The following USP42 variants were observed in gnomAD, a reference collection of about 807,000 sequenced individuals.
USP42 encodes the protein ubiquitin carboxyl-terminal hydrolase 42.
Under a neutral mutation model 113.0 loss-of-function variants are expected in USP42, and 23 were observed. The observed-to-expected ratio is 0.20, with a 90% CI of 0.15 to 0.29. The LOEUF (loss-of-function observed/expected upper bound fraction) is 0.29, where lower values mean the gene tolerates loss of function less well. USP42 is among the 10% of genes least tolerant of loss of function. The pLI, the probability that USP42 is intolerant of heterozygous loss-of-function variation, is 1.00. For synonymous variants in USP42, 933 were observed against 699.0 expected, an observed-to-expected ratio of 1.33 and a Z score of -5.28; for missense variants, 2,174 against 1,779.8, an observed-to-expected ratio of 1.22 and a Z score of -3.99.
At position 6,149,576 on chromosome 7, in the gene USP42, C is replaced by T; in HGVS notation, c.1387-7C>T. Reference sequence around the variant, plus strand: ...GCTCTGACCAGGTGCGCTCTGCTTACTTCCAGAATCCACCTCACTTAAATG... The same window carrying T: ...GCTCTGACCAGGTGCGCTCTGCTTATTTCCAGAATCCACCTCACTTAAATG... On this transcript the variant is annotated splice_polypyrimidine_tract_variant and splice_region_variant and intron_variant, in intron 12 of 17. Transcript: ENST00000306177. The T allele has an allele frequency of 6.2e-7, 1 of 1,608,890 alleles. No homozygotes were observed. Among genetic ancestry groups the T allele is most frequent in the African/African-American group, 1.3e-5 (1 of 74,880 alleles).
Position 6,139,252 on chromosome 7 carries a change from T to C in USP42, c.656+58T>C, listed in dbSNP as rs1037558260. Reference sequence around the variant, plus strand: ...TTGGGGATCTCTGGTTGTAGTTTATTCTTATCAGAATTCATTTTCACCTTT... The same window carrying C: ...TTGGGGATCTCTGGTTGTAGTTTATCCTTATCAGAATTCATTTTCACCTTT... On this transcript the variant is annotated intron_variant, in intron 5 of 17. Transcript: ENST00000306177. The surrounding 1 kb of genome is among the most constrained non-coding windows in gnomAD (Gnocchi z 4.5). The C allele has an allele frequency of 2.3e-6, 3 of 1,331,080 alleles. No individual in the cohort carries two copies. Among genetic ancestry groups the C allele is most frequent in the Non-Finnish European group, 3.1e-6 (3 of 972,486 alleles). 82.5% of individuals were successfully genotyped at this position (1,331,080 alleles called of 1,614,324 possible). A position where few individuals can be genotyped will look rare whatever the true frequency, so the allele number is the denominator to read the frequency against.
rs961083620 is a variant in USP42, at chr7:6,154,453, A to C, written c.2899A>C (p.Arg967=). 8.9e-6 allele frequency: 14 copies of C among 1,564,810 alleles called. No homozygotes were observed. In the African/African-American group the frequency reaches 1.5e-4, roughly 17 times the overall value. Residue 967 remains arginine (R), a synonymous_variant, in exon 15 of 18, where the codon AGA becomes CGA. Transcript: ENST00000306177. Reference sequence around the variant, plus strand: ...GCGCTCGTCCAGCGGGGAGCCCGCCAGAGAGAGCAGGAGCAAGACTGAGGG... The same window carrying C: ...GCGCTCGTCCAGCGGGGAGCCCGCCCGAGAGAGCAGGAGCAAGACTGAGGG... The part of the protein sequence containing the change: ...RERSSSGEPA[R]ESRSKTEGHR...
At chr7:6,145,478 C>G in intron 9 of USP42, 38 bp from the exon 10 acceptor site, 1 of 1,612,816 alleles carries the variant, frequency 6.2e-7, no homozygotes, top group East Asian at 2.2e-5. Context: ...ATGATCTGTG[C>G]CCTCGGAAAT....
rs374359350 is a variant in USP42, at chr7:6,145,079, A to G, written c.991-437A>G. Among the ~76,000 whole-genome samples, 594 of 152,292 alleles carry G rather than the reference A, an allele frequency of 3.9e-3. 2 individuals carry two copies. The highest frequency in any genetic ancestry group is 0.014 in the African/African-American group (570 of 41,556). On this transcript the variant is annotated intron_variant, in intron 9 of 17. Transcript: ENST00000306177. ...CCAGGTGCAGTGGCTCATGCCTATA[A>G]TTCTAGCACTTTGGGAGGCCAAGCT...
chr7:6,144,338 T>G (rs1471874588), intron 9 of USP42, 142 bp downstream of exon 9: 17 of 606,050 alleles, frequency 2.8e-5, no homozygotes, highest in Non-Finnish European at 4.2e-5. Flanking sequence ...ATTGTCTGTT[T>G]TGTTGGTACC....
rs556718 is a variant in USP42, at chr7:6,148,152, C to A, written c.1386+260C>A. On this transcript the variant is annotated intron_variant, in intron 12 of 17. Coordinates refer to ENST00000306177, the MANE Select transcript of USP42 (RefSeq NM_032172.3). ...CAGTTGTTTGAGACCACCCTGGGTACCAGGGTGAAACCCCGTCTCCACAAA... is the reference window on the plus strand; with the variant it reads ...CAGTTGTTTGAGACCACCCTGGGTAACAGGGTGAAACCCCGTCTCCACAAA... Among the ~76,000 whole-genome samples, 142,752 of 152,204 alleles carry A rather than the reference C, an allele frequency of 0.94. 67,060 individuals carry two copies. Among genetic ancestry groups the A allele is most frequent in the East Asian group, 1 (5,159 of 5,164 alleles).
chr7:6,154,117 T>C lies in USP42; in HGVS notation c.2563T>C (p.Leu855=), dbSNP rs1583687061. The change falls in exon 15 of 18, where the codon TTG becomes CTG. Residue 855 remains leucine (L), a synonymous_variant. Coordinates refer to ENST00000306177, the MANE Select transcript of USP42 (RefSeq NM_032172.3). The stretch of plus-strand genomic sequence containing the variant: ...GGCGTTGGCGGAAGCCCCGGAAGGG[T>C]TGAGTCCGGCTCCGCCTGCGCGGTC... The part of the protein sequence containing the change: ...DSALAEAPEG[L]SPAPPARSEE... 6.2e-7 allele frequency: 1 copy of C among 1,602,828 alleles called. No homozygotes were observed. The highest frequency in any genetic ancestry group is 8.5e-7 in the Non-Finnish European group (1 of 1,177,306).
chr7:6,092,319 T>C, the USP42 span, among the ~76,000 whole-genome samples: 1 of 149,290 alleles, frequency 6.7e-6, no homozygotes, highest in African/African-American at 2.5e-5. Context: ...GCTGGGATTA[T>C]AGGCACCTCC....
intron 9 of USP42, 84 bp from the exon 10 acceptor site, chr7:6,145,432 A>T: frequency 6.5e-7 from 1 of 1,545,386 alleles, no homozygotes; most frequent in Non-Finnish European, 8.9e-7. Flanking sequence ...CTCCCCTCCT[A>T]GGAAGCTCTA....
At chr7:6,102,910 G>C (rs1790171350), upstream of USP42, among the ~76,000 whole-genome samples, 2 of 151,092 alleles carry the variant, frequency 1.3e-5, 1 homozygote, top group African/African-American at 4.9e-5. Context: ...CAACAGAGAA[G>C]AGACTGTTGA....
At chr7:6,083,549 C>G in the USP42 span, among the ~76,000 whole-genome samples, 1 of 150,498 alleles carries the variant, frequency 6.6e-6, no homozygotes, top group Non-Finnish European at 1.5e-5. Flanking sequence ...AGCCACCACA[C>G]CTAGCCTTAA....
the USP42 span, among the ~76,000 whole-genome samples, chr7:6,099,207 C>T: frequency 8.4e-6 from 1 of 118,878 alleles, no homozygotes; most frequent in African/African-American, 4.0e-5. Flanking sequence ...CCATTGTTCC[C>T]TCTCTTTTTT....
intron 1 of USP42, among the ~76,000 whole-genome samples, chr7:6,106,762 C>G (rs939965858): frequency 6.6e-6 from 1 of 151,754 alleles, no homozygotes; most frequent in African/African-American, 2.4e-5. Flanking sequence ...GAGACAGGGT[C>G]TCACTGTTGC....
the USP42 span, among the ~76,000 whole-genome samples, chr7:6,091,371 C>T: frequency 6.6e-6 from 1 of 150,522 alleles, no homozygotes; most frequent in Non-Finnish European, 1.5e-5. Flanking sequence ...AGACTGCAGG[C>T]ATGCATCATC....
intron 3 of USP42, among the ~76,000 whole-genome samples, chr7:6,125,779 CAG>C (rs995836068): frequency 3.3e-5 from 5 of 150,338 alleles, no homozygotes; most frequent in South Asian, 2.1e-4. Context: ...TTTTGATGCT[CAG>C]GGGTTGTTTA....
At position 6,139,132 on chromosome 7, in the gene USP42, C is replaced by T; in HGVS notation, c.594C>T (p.Ala198=). The change falls in exon 5 of 18, where the codon GCC becomes GCT. Residue 198 remains alanine (A), a synonymous_variant. Transcript: ENST00000306177. This position sits in a 1 kb window ranked among gnomAD's most constrained non-coding sequence, Gnocchi z 4.5. ...RHFRFGNQED[A]HEFLQYTVDA... Reference sequence around the variant, plus strand: ...TCCGTTTTGGAAACCAAGAAGATGCCCATGAATTCCTTCAATACACTGTTG... The same window carrying T: ...TCCGTTTTGGAAACCAAGAAGATGCTCATGAATTCCTTCAATACACTGTTG... 1.2e-6 allele frequency: 2 copies of T among 1,610,150 alleles called. No individual in the cohort carries two copies. The highest frequency in any genetic ancestry group is 4.5e-5 in the East Asian group (2 of 44,814).
the USP42 span, among the ~76,000 whole-genome samples, chr7:6,084,976 C>G: frequency 6.6e-6 from 1 of 151,150 alleles, no homozygotes; most frequent in Non-Finnish European, 1.5e-5. Flanking sequence ...ACCTCGGCCT[C>G]TCAGAGTGCT....
the USP42 span, among the ~76,000 whole-genome samples, chr7:6,090,334 C>CTTTATATATATA: frequency 4.6e-4 from 63 of 136,596 alleles, no homozygotes; most frequent in Non-Finnish European, 1.5e-4. Flanking sequence ...ATATATATTT[C>CTTTATATATATA]TTTATATATA....
At chr7:6,129,686 C>G (rs1213816726) in intron 3 of USP42, among the ~76,000 whole-genome samples, 2 of 151,674 alleles carry the variant, frequency 1.3e-5, no homozygotes, top group Admixed American at 1.3e-4. Flanking sequence ...CATGGTGAAA[C>G]CCTGTCTCTA....
Sources: allele counts gnomAD v4.1 joint callset (sites outside exome capture counted in the v4.1 genomes callset), GRCh38; gene constraint gnomAD v4.1.1; non-coding constraint Gnocchi (gnomAD v3.1); transcripts MANE v1.5; gene names NCBI Gene and HGNC (gene_info 2026-07-23, HGNC 2026-07-21).